DCUN1D5: variants seen among roughly 807,000 people sequenced by gnomAD.
DCUN1D5 encodes DCN1-like protein 5.
A neutral mutation model predicts 38.3 loss-of-function variants in DCUN1D5; 10 were observed. That is an observed-to-expected ratio of 0.26 (90% CI 0.16 to 0.44). The LOEUF is 0.44. Ranked by LOEUF, DCUN1D5 falls within the 20% of genes least tolerant of loss-of-function variation. DCUN1D5 has a pLI of 1.00. For synonymous variants in DCUN1D5, 93 were observed against 90.9 expected (o/e 1.02, Z -0.13); for missense variants, 148 against 275.3 (o/e 0.54, Z 3.27).
At chr11:103,089,880 T>G (rs987032323) in intron 1 of DCUN1D5, among the ~76,000 whole-genome samples, 2 of 152,138 alleles carry the variant, frequency 1.3e-5, no homozygotes, top group Admixed American at 6.5e-5. Context: ...TAAAAGTTAA[T>G]AATAGTCCAA....
In DCUN1D5 at chr11:103,059,682, T is replaced by C. The variant is rs1284215467; in HGVS notation, c.*2677A>G. The stretch of plus-strand genomic sequence containing the variant: ...ACCGTTTTCATCACACACTGTCACC[T>C]GAATCCCTGGCAATTTCCTAGAGGT... On this transcript the variant is annotated 3_prime_UTR_variant, in exon 8 of 8. Coordinates refer to ENST00000260247, the MANE Select transcript of DCUN1D5 (RefSeq NM_032299.4). Among the ~76,000 whole-genome samples the C allele has an allele frequency of 6.9e-6, 1 of 144,944 alleles. No homozygotes were observed. Among genetic ancestry groups the C allele is most frequent in the African/African-American group, 2.6e-5 (1 of 38,824 alleles).
In DCUN1D5 at chr11:103,063,602, T is replaced by C. The variant is rs1396025752; in HGVS notation, c.658+673A>G. Among the ~76,000 whole-genome samples the C allele has an allele frequency of 6.6e-6, 1 of 152,152 alleles. No individual in the cohort carries two copies. Among genetic ancestry groups the C allele is most frequent in the East Asian group, 1.9e-4 (1 of 5,202 alleles). ...AATGTACCTTTCCTTGTAACCCTTC[T>C]GAACACTGAAAACACATGCAACCAA... On this transcript the variant is annotated intron_variant, in intron 7 of 7. Coordinates refer to ENST00000260247, the MANE Select transcript of DCUN1D5 (RefSeq NM_032299.4). This position sits in a 1 kb window ranked among gnomAD's most constrained non-coding sequence, Gnocchi z 4.6.
In DCUN1D5 at chr11:103,059,993, G is replaced by A. The variant is rs971840139; in HGVS notation, c.*2366C>T. Among the ~76,000 whole-genome samples the A allele has an allele frequency of 6.6e-6, 1 of 151,902 alleles. No individual in the cohort carries two copies. The highest frequency in any genetic ancestry group is 2.4e-5 in the African/African-American group (1 of 41,322). Reference sequence around the variant, plus strand: ...ACAGTTAGACTTTTTTATACTGCAGGGTCCTTAATATTGTATTGTTTATAT... The same window carrying A: ...ACAGTTAGACTTTTTTATACTGCAGAGTCCTTAATATTGTATTGTTTATAT... On this transcript the variant is annotated 3_prime_UTR_variant, in exon 8 of 8. Coordinates refer to ENST00000260247, the MANE Select transcript of DCUN1D5 (RefSeq NM_032299.4).
chr11:103,083,456 T>C lies in DCUN1D5; in HGVS notation c.179-130A>G. Reference sequence around the variant, plus strand: ...ATTAAATTTGAATTTTGGCATAGCTTTGATAAGTATAAATATTTGCTACAG... The same window carrying C: ...ATTAAATTTGAATTTTGGCATAGCTCTGATAAGTATAAATATTTGCTACAG... On this transcript the variant is annotated intron_variant, in intron 2 of 7. Coordinates refer to ENST00000260247, the MANE Select transcript of DCUN1D5 (RefSeq NM_032299.4). The surrounding 1 kb of genome is among the most constrained non-coding windows in gnomAD (Gnocchi z 4.4). The C allele has an allele frequency of 1.8e-6, 1 of 564,228 alleles. No homozygotes were observed. The highest frequency in any genetic ancestry group is 3.2e-6 in the Non-Finnish European group (1 of 312,144). 35.0% of individuals were successfully genotyped at this position (564,228 alleles called of 1,614,324 possible).
Position 103,064,385 on chromosome 11 carries a change from A to G in DCUN1D5, c.556-8T>C. 1 of 1,570,402 alleles carries G rather than the reference A, an allele frequency of 6.4e-7. No homozygotes were observed. The highest frequency in any genetic ancestry group is 8.7e-7 in the Non-Finnish European group (1 of 1,154,618). ...AACACGATACTTTGATTGCTGCAAAAATGATTTAAATATTTGTATTTAAAT... is the reference window on the plus strand; with the variant it reads ...AACACGATACTTTGATTGCTGCAAAGATGATTTAAATATTTGTATTTAAAT... On this transcript the variant is annotated splice_polypyrimidine_tract_variant and splice_region_variant and intron_variant, in intron 6 of 7. Coordinates refer to ENST00000260247, the MANE Select transcript of DCUN1D5 (RefSeq NM_032299.4). The surrounding 1 kb of genome is among the most constrained non-coding windows in gnomAD (Gnocchi z 4.5).
rs1250132539 is a variant in DCUN1D5, at chr11:103,078,853, C to G, written c.341+3895G>C. On this transcript the variant is annotated intron_variant, in intron 4 of 7. Transcript: ENST00000260247. The surrounding 1 kb of genome is among the most constrained non-coding windows in gnomAD (Gnocchi z 4.6). Reference sequence around the variant, plus strand: ...TGTTCTAGTTCACAGGCCACACCTACATTTACCTACCTACTCAGCTGAAAT... The same window carrying G: ...TGTTCTAGTTCACAGGCCACACCTAGATTTACCTACCTACTCAGCTGAAAT... Among the ~76,000 whole-genome samples the G allele has an allele frequency of 2.6e-5, 4 of 152,218 alleles. No individual in the cohort carries two copies. Among genetic ancestry groups the G allele is most frequent in the Admixed American group, 2.6e-4 (4 of 15,286 alleles).
In DCUN1D5 at chr11:103,059,408, G is replaced by C. The variant is rs1352228631; in HGVS notation, c.*2951C>G. Among the ~76,000 whole-genome samples the C allele has an allele frequency of 2.0e-5, 3 of 151,928 alleles. No homozygotes were observed. The highest frequency in any genetic ancestry group is 7.3e-5 in the African/African-American group (3 of 41,332). On this transcript the variant is annotated 3_prime_UTR_variant, in exon 8 of 8. Coordinates refer to ENST00000260247, the MANE Select transcript of DCUN1D5 (RefSeq NM_032299.4). ...AATTTTTGGTTTGCTAGATGAAAAGGCATTTGTATTTAAGAGAAATACTCC... is the reference window on the plus strand; with the variant it reads ...AATTTTTGGTTTGCTAGATGAAAAGCCATTTGTATTTAAGAGAAATACTCC...
chr11:103,082,343 C>G (rs1238066223), intron 4 of DCUN1D5, among the ~76,000 whole-genome samples: 1 of 151,944 alleles, frequency 6.6e-6, no homozygotes, highest in Non-Finnish European at 1.5e-5. Context: ...TTTTTAAAGT[C>G]AAATATTAAA....
In DCUN1D5 at chr11:103,064,071, A is replaced by G. The variant is rs555311828; in HGVS notation, c.658+204T>C. Among the ~76,000 whole-genome samples the G allele has an allele frequency of 6.6e-6, 1 of 152,288 alleles. No homozygotes were observed. The highest frequency in any genetic ancestry group is 2.4e-5 in the African/African-American group (1 of 41,590). Reference sequence around the variant, plus strand: ...AAAATGTTTGGTTGCCGAGGAACTGAAAACATTTCATTTACCAGCATAGAT... The same window carrying G: ...AAAATGTTTGGTTGCCGAGGAACTGGAAACATTTCATTTACCAGCATAGAT... On this transcript the variant is annotated intron_variant, in intron 7 of 7. Coordinates refer to ENST00000260247, the MANE Select transcript of DCUN1D5 (RefSeq NM_032299.4). This position sits in a 1 kb window ranked among gnomAD's most constrained non-coding sequence, Gnocchi z 4.5.
chr11:103,089,847 T>TA (rs1021473324), intron 1 of DCUN1D5, among the ~76,000 whole-genome samples: 10 of 152,004 alleles, frequency 6.6e-5, no homozygotes, highest in East Asian at 5.8e-4. Flanking sequence ...TACACAGATT[T>TA]AAAAAAAACA....
rs574500421 is a variant in DCUN1D5, at chr11:103,090,815, G to A, written c.86+972C>T. The stretch of plus-strand genomic sequence containing the variant: ...TAATCCCAGCTACTCAGGAGGCTGA[G>A]GCAGGAGAATCGCTTGAACCCGGGA... On this transcript the variant is annotated intron_variant, in intron 1 of 7. Transcript: ENST00000260247. Among the ~76,000 whole-genome samples the A allele has an allele frequency of 3.9e-5, 6 of 152,328 alleles. No homozygotes were observed. The East Asian group carries it at 1.2e-3, about 29-fold the overall frequency.
Position 103,066,165 on chromosome 11 carries a change from G to GT in DCUN1D5, c.555+103dup, listed in dbSNP as rs538677921. On this transcript the variant is annotated intron_variant, in intron 6 of 7. Coordinates refer to ENST00000260247, the MANE Select transcript of DCUN1D5 (RefSeq NM_032299.4). This position sits in a 1 kb window ranked among gnomAD's most constrained non-coding sequence, Gnocchi z 4.7. ...CATATTTTAGAATTTTTTCTCTAAAGTTTTTTTAAAGCATACTATTAAAAA... is the reference window on the plus strand; with the variant it reads ...CATATTTTAGAATTTTTTCTCTAAAGTTTTTTTTAAAGCATACTATTAAAAA... 6 of 662,852 alleles carry GT rather than the reference G, an allele frequency of 9.1e-6. No individual in the cohort carries two copies. Among genetic ancestry groups the GT allele is most frequent in the African/African-American group, 1.9e-5 (1 of 53,394 alleles). The allele number at this position is 662,852 out of a possible 1,614,324, so 41.1% of individuals were successfully genotyped here.
chr11:103,080,195 T>C (rs1862521919), intron 4 of DCUN1D5, among the ~76,000 whole-genome samples: 1 of 152,162 alleles, frequency 6.6e-6, no homozygotes, highest in Non-Finnish European at 1.5e-5. Context: ...ATTAATTAAT[T>C]GAAACAACTC....
At chr11:103,076,389 G>A (rs573081840) in intron 4 of DCUN1D5, among the ~76,000 whole-genome samples, 83 of 152,256 alleles carry the variant, frequency 5.5e-4, no homozygotes, top group Middle Eastern at 3.4e-3. Flanking sequence ...TCACTAAGGA[G>A]ATAAGAATCC....
intron 4 of DCUN1D5, among the ~76,000 whole-genome samples, chr11:103,082,376 T>C (rs1258483844): frequency 1.3e-5 from 2 of 152,096 alleles, no homozygotes; most frequent in African/African-American, 4.8e-5. Context: ...GAGGAGGCCC[T>C]AGAGCTTAGG....
At chr11:103,079,724 A>C (rs965708493) in intron 4 of DCUN1D5, among the ~76,000 whole-genome samples, 4 of 151,828 alleles carry the variant, frequency 2.6e-5, no homozygotes, top group Non-Finnish European at 5.9e-5. Context: ...ATTAGGTTGC[A>C]GTGAGCCATG....
Position 103,066,788 on chromosome 11 carries a change from CAAAG to C in DCUN1D5, c.342-225_342-222del, listed in dbSNP as rs1036994040. Among the ~76,000 whole-genome samples, 1 of 152,042 alleles carries C rather than the reference CAAAG, an allele frequency of 6.6e-6. No homozygotes were observed. The highest frequency in any genetic ancestry group is 2.1e-4 in the South Asian group (1 of 4,830). ...AGGGGAAAAAAGAAAACCTGGGAAT[CAAAG>C]AAAGTTCACTCCAATTACTTTGCTT... On this transcript the variant is annotated intron_variant, in intron 4 of 7. Coordinates refer to ENST00000260247, the MANE Select transcript of DCUN1D5 (RefSeq NM_032299.4). The surrounding 1 kb of genome is among the most constrained non-coding windows in gnomAD (Gnocchi z 4.7).
rs1321372745 is a variant in DCUN1D5, at chr11:103,086,782, A to T, written c.178+2445T>A. Among the ~76,000 whole-genome samples the T allele has an allele frequency of 6.6e-6, 1 of 152,210 alleles. No homozygotes were observed. The highest frequency in any genetic ancestry group is 2.4e-5 in the African/African-American group (1 of 41,456). ...GAATGGATGACAGAAATTAACCAAG[A>T]GTACCAATATTTTCTTTGCAAAAGT... On this transcript the variant is annotated intron_variant, in intron 2 of 7. Transcript: ENST00000260247. This position sits in a 1 kb window ranked among gnomAD's most constrained non-coding sequence, Gnocchi z 4.1.
In DCUN1D5 at chr11:103,086,831, A is replaced by T. The variant is rs1862721591; in HGVS notation, c.178+2396T>A. ...GTGAAAATTAGCTTAAATAAAAAATAAACATAAAATAATATCTATTATAAT... is the reference window on the plus strand; with the variant it reads ...GTGAAAATTAGCTTAAATAAAAAATTAACATAAAATAATATCTATTATAAT... On this transcript the variant is annotated intron_variant, in intron 2 of 7. Transcript: ENST00000260247. The surrounding 1 kb of genome is among the most constrained non-coding windows in gnomAD (Gnocchi z 4.1). Among the ~76,000 whole-genome samples the T allele has an allele frequency of 6.6e-6, 1 of 151,978 alleles. No homozygotes were observed. The highest frequency in any genetic ancestry group is 1.5e-5 in the Non-Finnish European group (1 of 67,964).
Sources: gnomAD v4.1 joint callset for allele counts (sites outside exome capture counted in the v4.1 genomes callset) on GRCh38, gnomAD v4.1.1 for gene constraint, Gnocchi (gnomAD v3.1) non-coding constraint, MANE v1.5 for transcripts, NCBI Gene and HGNC (gene_info 2026-07-23, HGNC 2026-07-21) for gene names.